The following PRIM1 variants were observed in gnomAD, a reference collection of about 807,000 sequenced individuals.
The protein encoded by PRIM1 is DNA primase small subunit.
In PRIM1, 38 loss-of-function variants were observed where a neutral mutation model predicts 60.2. The ratio of observed to expected loss-of-function variants is 0.63; its 90% CI spans 0.49 to 0.83. The LOEUF is 0.83. PRIM1 is among the 40% of genes least tolerant of loss of function. The probability of loss-of-function intolerance (pLI) is 0.00; values close to 1 mark genes in which losing one functional copy is unlikely to be tolerated. For synonymous variants in PRIM1, 158 were observed against 160.2 expected (o/e 0.99, Z 0.10); for missense variants, 388 against 506.2 (o/e 0.77, Z 2.24).
chr12:56,735,745 G>A (rs1032376626), intron 11 of PRIM1, among the ~76,000 whole-genome samples: 1 of 150,544 alleles, frequency 6.6e-6, no homozygotes, highest in African/African-American at 2.4e-5. Flanking sequence ...CCACCTCCTG[G>A]GTTCAAGCGA....
At chr12:56,741,284 G>T in intron 9 of PRIM1, 151 bp downstream of exon 9, 1 of 787,790 alleles carries the variant, frequency 1.3e-6, no homozygotes, top group Non-Finnish European at 1.9e-6. Flanking sequence ...TCATCTGGTA[G>T]CTACTTAACT....
At chr12:56,748,849 C>T (rs112017975) in intron 2 of PRIM1, among the ~76,000 whole-genome samples, 4,982 of 151,794 alleles carry the variant, frequency 0.033, 289 homozygotes, top group African/African-American at 0.11. Context: ...CCCAGCTACC[C>T]GGGAAGCTGA....
chr12:56,746,864 AG>A lies in PRIM1; in HGVS notation c.369-11del. 1 of 1,613,810 alleles carries A rather than the reference AG, an allele frequency of 6.2e-7. No individual in the cohort carries two copies. The highest frequency in any genetic ancestry group is 8.5e-7 in the Non-Finnish European group (1 of 1,179,778). ...ACATATGTCTGCAGAACTAAAGCAG[AG>A]TCATCATTACTCATTGTCAGTGATA... is the stretch of plus-strand genomic sequence containing the variant. On this transcript the variant is annotated splice_polypyrimidine_tract_variant and intron_variant, in intron 3 of 12. Transcript: ENST00000338193.
In PRIM1 at chr12:56,746,830, G is replaced by A. The variant is rs746580018; in HGVS notation, c.393C>T (p.Cys131=). ...GTATGGCCATTGTCATGAGGGTCCA[G>A]CACTTAGGACATATGTCTGCAGAAC... ...CCSSADICPK[C]WTLMTMAIRI... Residue 131 remains cysteine, a synonymous_variant, in exon 4 of 13, where the codon TGC becomes TGT. Coordinates refer to ENST00000338193, the MANE Select transcript of PRIM1 (RefSeq NM_000946.3). 2.9e-5 allele frequency: 47 copies of A among 1,613,918 alleles called. No homozygotes were observed. The highest frequency in any genetic ancestry group is 3.6e-5 in the Non-Finnish European group (42 of 1,179,860).
rs568265117 is a variant in PRIM1 at position 56,734,814 on chromosome 12, CT to C, written c.1145-570del. Among the ~76,000 whole-genome samples, 739 of 127,070 alleles carry C rather than the reference CT, an allele frequency of 5.8e-3. 4 individuals are homozygous for C. The highest frequency in any genetic ancestry group is 8.3e-3 in the Middle Eastern group (2 of 242). 83.4% of individuals were successfully genotyped at this position (127,070 alleles called of 152,430 possible). A position where few individuals can be genotyped will look rare whatever the true frequency, so the allele number is the denominator to read the frequency against. ...TATATAATATATATACATATATTTT[CT>C]TTTTTTTTTTTTTTGAGACAGAGTG... On this transcript the variant is annotated intron_variant, in intron 11 of 12. Coordinates refer to ENST00000338193, the MANE Select transcript of PRIM1 (RefSeq NM_000946.3).
chr12:56,750,670 AC>A (rs1309857039), intron 2 of PRIM1, among the ~76,000 whole-genome samples: 1 of 150,952 alleles, frequency 6.6e-6, no homozygotes, highest in Non-Finnish European at 1.5e-5. Context: ...GCTCACTGCA[AC>A]CTCCACCTCC....
rs779434513 is a variant in PRIM1, at chr12:56,738,533, T to A, written c.1053-8A>T. 6.4e-7 allele frequency: 1 copy of A among 1,567,210 alleles called. No homozygotes were observed. The highest frequency in any genetic ancestry group is 8.7e-7 in the Non-Finnish European group (1 of 1,154,894). ...AATTCACGGCAGATGAAGCTGCAAGTAACAGAACAAGAGAATTTTGTTTTT... is the reference window on the plus strand; with the variant it reads ...AATTCACGGCAGATGAAGCTGCAAGAAACAGAACAAGAGAATTTTGTTTTT... On this transcript the variant is annotated splice_region_variant and splice_polypyrimidine_tract_variant and intron_variant, in intron 10 of 12. Coordinates refer to ENST00000338193, the MANE Select transcript of PRIM1 (RefSeq NM_000946.3).
intron 3 of PRIM1, 35 bp from the exon 4 acceptor site, chr12:56,746,889 T>C: frequency 6.2e-7 from 1 of 1,612,962 alleles, no homozygotes. Context: ...TTGTCAGTGA[T>C]ACCACCCACC....
At chr12:56,746,423 G>A (rs1402746587) in intron 4 of PRIM1, 3 of 638,282 alleles carry the variant, frequency 4.7e-6, no homozygotes, top group Non-Finnish European at 8.6e-6. Flanking sequence ...ACGAGGTCAG[G>A]AGTTCGAGAC....
chr12:56,749,769 G>A (rs1040132487), intron 2 of PRIM1, among the ~76,000 whole-genome samples: 1 of 152,258 alleles, frequency 6.6e-6, no homozygotes, highest in Non-Finnish European at 1.5e-5. Flanking sequence ...ATTGATACAA[G>A]TAACAAGTTA....
chr12:56,747,171 ATTATTT>A, intron 2 of PRIM1, 139 bp from the exon 3 acceptor site: 1 of 659,592 alleles, frequency 1.5e-6, no homozygotes, highest in East Asian at 2.7e-5. Context: ...GTGAAAGTTC[ATTATTT>A]TGGATCTTAC....
chr12:56,741,621 T>C, intron 8 of PRIM1, 45 bp from the exon 9 acceptor site: 1 of 1,586,630 alleles, frequency 6.3e-7, no homozygotes. Flanking sequence ...TAGGAACTGT[T>C]GAAGATTTCT....
At chr12:56,748,563 G>T (rs990216335) in intron 2 of PRIM1, among the ~76,000 whole-genome samples, 2 of 151,114 alleles carry the variant, frequency 1.3e-5, no homozygotes, top group Admixed American at 1.3e-4. Context: ...GGAGGCGGAG[G>T]CTGCAGTGAG....
At chr12:56,733,636 C>A (rs572135963) in intron 12 of PRIM1, among the ~76,000 whole-genome samples, 1 of 150,700 alleles carries the variant, frequency 6.6e-6, no homozygotes, top group South Asian at 2.1e-4. Flanking sequence ...GTTGCCCAGG[C>A]TGGAGTGCGA....
At chr12:56,735,550 C>T (rs1376668469) in intron 11 of PRIM1, among the ~76,000 whole-genome samples, 1 of 152,160 alleles carries the variant, frequency 6.6e-6, no homozygotes, top group African/African-American at 2.4e-5. Flanking sequence ...AGTGCCACCA[C>T]AGCTGGCTAA....
At chr12:56,742,234 C>A (rs1953877617) in intron 7 of PRIM1, among the ~76,000 whole-genome samples, 1 of 151,858 alleles carries the variant, frequency 6.6e-6, no homozygotes, top group Non-Finnish European at 1.5e-5. Context: ...GCCTGGGCAA[C>A]AGAGTGAGAC....
At position 56,742,986 on chromosome 12, in the gene PRIM1, T is replaced by C. The variant is rs1953882786; in HGVS notation, c.748+1A>G. ...ACAGAAATGATCACGGGAAAGGATA[T>C]TTTCAGGAACAAGGGCTAAAATCTT... On this transcript the variant is annotated splice_donor_variant, in intron 7 of 12. Coordinates refer to ENST00000338193, the MANE Select transcript of PRIM1 (RefSeq NM_000946.3). LOFTEE classifies it high-confidence loss of function. 1.3e-6 allele frequency: 2 copies of C among 1,526,772 alleles called. No homozygotes were observed. Among genetic ancestry groups the C allele is most frequent in the Non-Finnish European group, 1.8e-6 (2 of 1,138,584 alleles). 94.6% of individuals were successfully genotyped at this position (1,526,772 alleles called of 1,614,324 possible).
chr12:56,736,193 G>A (rs1306363897), intron 11 of PRIM1, among the ~76,000 whole-genome samples: 2 of 148,208 alleles, frequency 1.3e-5, no homozygotes, highest in Admixed American at 6.8e-5. Flanking sequence ...AGCTACTCAG[G>A]AGGCTGAGGC....
Position 56,746,351 on chromosome 12 carries a change from G to A in PRIM1, c.443-170C>T, listed in dbSNP as rs1245748681. 3.0e-5 allele frequency: 26 copies of A among 877,810 alleles called. No homozygotes were observed. The East Asian group carries it at 7.1e-4, about 24-fold the overall frequency. The allele number at this position is 877,810 out of a possible 1,614,324, so 54.4% of individuals were successfully genotyped here. ...TCTTTTTTAAAAAACTATTTTATTAGGCCAGGTGTGGTAGCTCACGCCTGT... is the reference window on the plus strand; with the variant it reads ...TCTTTTTTAAAAAACTATTTTATTAAGCCAGGTGTGGTAGCTCACGCCTGT... On this transcript the variant is annotated intron_variant, in intron 4 of 12. Coordinates refer to ENST00000338193, the MANE Select transcript of PRIM1 (RefSeq NM_000946.3).
Sources: allele counts gnomAD v4.1 joint callset (sites outside exome capture counted in the v4.1 genomes callset), GRCh38; gene constraint gnomAD v4.1.1; transcripts MANE v1.5; gene names NCBI Gene and HGNC (gene_info 2026-07-23, HGNC 2026-07-21).